The following RABGEF1 variants were observed in gnomAD, a reference collection of about 807,000 sequenced individuals.
The protein encoded by RABGEF1 is RAB guanine nucleotide exchange factor 1, also known as rab5 GDP/GTP exchange factor.
In RABGEF1, 26 loss-of-function variants were observed where a neutral mutation model predicts 57.3. The observed-to-expected ratio is 0.45, with a 90% CI of 0.33 to 0.63. The LOEUF is 0.63. RABGEF1 is among the 20% of genes least tolerant of loss of function. The probability of loss-of-function intolerance (pLI) is 0.02; values close to 1 mark genes in which losing one functional copy is unlikely to be tolerated. For missense variants in RABGEF1, 464 were observed against 607.6 expected, an observed-to-expected ratio of 0.76 and a Z score of 2.48; for synonymous variants, 185 against 210.7, an observed-to-expected ratio of 0.88 and a Z score of 1.06.
chr7:66,804,019 A>C (rs936469540), intron 7 of RABGEF1, among the ~76,000 whole-genome samples: 3 of 151,648 alleles, frequency 2.0e-5, no homozygotes, highest in Admixed American at 2.0e-4. Flanking sequence ...TTCTGTAGCT[A>C]GTGGAGATCC....
chr7:66,797,572 A>C, intron 6 of RABGEF1, 66 bp downstream of exon 6: 1 of 1,528,830 alleles, frequency 6.5e-7, no homozygotes, highest in South Asian at 1.2e-5. Flanking sequence ...CTGGGGGGAA[A>C]ATAATGCACC....
chr7:66,770,946 A>G (rs1806954429), intron 1 of RABGEF1, among the ~76,000 whole-genome samples: 1 of 151,822 alleles, frequency 6.6e-6, no homozygotes, highest in Non-Finnish European at 1.5e-5. Context: ...TCCTTTTCCC[A>G]TTTGTTAATC....
rs773885514 is a variant in RABGEF1 at position 66,799,340 on chromosome 7, C to T, written c.746C>T (p.Thr249Met). 29 of 1,609,466 alleles carry T rather than the reference C, an allele frequency of 1.8e-5. No homozygotes were observed. The highest frequency in any genetic ancestry group is 4.0e-5 in the African/African-American group (3 of 74,816). The change falls in exon 7 of 9, where the codon ACG (threonine) becomes ATG (methionine). Residue 249 changes from threonine (T) to methionine (M), a missense_variant. Coordinates refer to ENST00000284957, the MANE Select transcript of RABGEF1 (RefSeq NM_014504.3). ...CTCTTTAGAGCCCTGCGCTGGGTTACGCCTCAGATGCTGTGTGTCCCTGTT... is the reference window on the plus strand; with the variant it reads ...CTCTTTAGAGCCCTGCGCTGGGTTATGCCTCAGATGCTGTGTGTCCCTGTT... ...QKRIRALRWV[T>M]PQMLCVPVNE...
intron 1 of RABGEF1, among the ~76,000 whole-genome samples, chr7:66,746,871 C>T (rs942805445): frequency 1.3e-5 from 2 of 152,012 alleles, no homozygotes; most frequent in African/African-American, 4.8e-5. Flanking sequence ...TGGCTTACTA[C>T]AACCTCTGCC....
intron 1 of RABGEF1, among the ~76,000 whole-genome samples, chr7:66,711,832 C>T (rs551856460): frequency 3.3e-5 from 5 of 152,158 alleles, no homozygotes; most frequent in East Asian, 1.9e-4. Flanking sequence ...ATGATCTGCC[C>T]GCCTCGGCCT....
intron 2 of RABGEF1, among the ~76,000 whole-genome samples, chr7:66,716,863 C>G: frequency 6.6e-6 from 1 of 152,200 alleles, no homozygotes; most frequent in East Asian, 1.9e-4. Context: ...ACCACAAGCT[C>G]TGTCTCCCAG....
the RABGEF1 span, chr7:66,667,352 C>G: frequency 6.6e-6 from 1 of 152,364 alleles, no homozygotes; most frequent in African/African-American, 2.4e-5. Flanking sequence ...GTTACTTCAT[C>G]CATTTTGTTC....
chr7:66,797,608 A>G, intron 6 of RABGEF1, 102 bp downstream of exon 6: 1 of 1,286,574 alleles, frequency 7.8e-7, no homozygotes, highest in East Asian at 2.4e-5. Context: ...AAGGGAAAGC[A>G]ATAGCTCATG....
upstream of RABGEF1, among the ~76,000 whole-genome samples, chr7:66,738,413 C>T (rs117929604): frequency 0.015 from 2,227 of 152,280 alleles, 61 homozygotes; most frequent in East Asian, 0.094. Flanking sequence ...TTAGCACCAA[C>T]CTCTTCTGCT....
intron 1 of RABGEF1, chr7:66,748,726 AGGTTTACCTGATG>A (rs1800783918): frequency 6.5e-6 from 1 of 153,134 alleles, no homozygotes. Context: ...GAGAGAGGAG[AGGTTTACCTGATG>A]ATTACACTTT....
intron 1 of RABGEF1, among the ~76,000 whole-genome samples, chr7:66,709,433 C>T (rs147613065): frequency 1.9e-4 from 29 of 152,248 alleles, no homozygotes; most frequent in African/African-American, 6.5e-4. Context: ...ATAACTAGTG[C>T]TATCTACATA....
intron 1 of RABGEF1, among the ~76,000 whole-genome samples, chr7:66,761,886 A>T (rs1392860249): frequency 2.0e-5 from 3 of 151,948 alleles, no homozygotes; most frequent in Non-Finnish European, 4.4e-5. Flanking sequence ...CCCCATCTCT[A>T]CCTAAAATAC....
At chr7:66,723,191 A>G (rs1276342108) in intron 2 of RABGEF1, among the ~76,000 whole-genome samples, 1 of 152,052 alleles carries the variant, frequency 6.6e-6, no homozygotes, top group South Asian at 2.1e-4. Flanking sequence ...CTGGTCTCCA[A>G]TTCTTGACCT....
chr7:66,725,095 C>T (rs1796447876), intron 2 of RABGEF1, among the ~76,000 whole-genome samples: 1 of 152,126 alleles, frequency 6.6e-6, no homozygotes, highest in African/African-American at 2.4e-5. Flanking sequence ...CTAATTTGAT[C>T]ATCTTTGTCA....
At chr7:66,719,032 C>T (rs1795710522) in intron 2 of RABGEF1, among the ~76,000 whole-genome samples, 1 of 152,242 alleles carries the variant, frequency 6.6e-6, no homozygotes, top group African/African-American at 2.4e-5. Flanking sequence ...CCCTCCAGCA[C>T]TCTTGGGGCC....
rs1813830391 is a variant in RABGEF1, at chr7:66,795,588, G to A, written c.591G>A (p.Gly197=). ...HNVAERMQTR[G]KVPPERVEKI... The stretch of plus-strand genomic sequence containing the variant: ...TGGCCGAAAGGATGCAAACTCGTGG[G>A]AAAGGTAACACTGTTAGCCATTGAG... Residue 197 remains glycine (G), a synonymous_variant, in exon 5 of 9, where the codon GGG becomes GGA. Coordinates refer to ENST00000284957, the MANE Select transcript of RABGEF1 (RefSeq NM_014504.3). The A allele has an allele frequency of 1.2e-6, 2 of 1,601,700 alleles. No homozygotes were observed. Among genetic ancestry groups the A allele is most frequent in the African/African-American group, 2.7e-5 (2 of 74,650 alleles).
At position 66,734,909 on chromosome 7, in the gene RABGEF1, C is replaced by G. The variant is rs567347903; in HGVS notation, c.-814-5087C>G. ...ACCCCCTCGCCACCCCACAAAACTG[C>G]TCACCACATGGCCAAACAGGTTTGT... On this transcript the variant is annotated intron_variant and NMD_transcript_variant, in intron 2 of 9. Coordinates refer to the RABGEF1 transcript ENST00000607882. Among the ~76,000 whole-genome samples, 3 of 152,292 alleles carry G rather than the reference C, an allele frequency of 2.0e-5. No individual in the cohort carries two copies. The South Asian group carries it at 6.2e-4, about 32-fold the overall frequency.
chr7:66,760,167 A>G (rs540908119), intron 1 of RABGEF1, among the ~76,000 whole-genome samples: 2 of 151,900 alleles, frequency 1.3e-5, no homozygotes, highest in East Asian at 1.9e-4. Flanking sequence ...TGCTTACACC[A>G]TTTTCCTTCC....
intron 1 of RABGEF1, among the ~76,000 whole-genome samples, chr7:66,711,475 A>G (rs1377403049): frequency 6.6e-6 from 1 of 151,782 alleles, no homozygotes; most frequent in Non-Finnish European, 1.5e-5. Context: ...AACAATATCC[A>G]ATATTCCAGC....
Sources: allele counts gnomAD v4.1 joint callset (sites outside exome capture counted in the v4.1 genomes callset), GRCh38; gene constraint gnomAD v4.1.1; transcripts MANE v1.5; gene names NCBI Gene and HGNC (gene_info 2026-07-23, HGNC 2026-07-21).